The following DPP10 variants were observed in gnomAD, a reference collection of about 807,000 sequenced individuals.
DPP10 encodes inactive dipeptidyl peptidase 10.
In DPP10, 33 loss-of-function variants were observed where a neutral mutation model predicts 120.9. The ratio of observed to expected loss-of-function variants is 0.27; its 90% CI spans 0.21 to 0.37. The LOEUF is 0.37. Among genes scored for constraint, DPP10 ranks in the 10% least tolerant of loss-of-function variants. DPP10 has a pLI of 1.00. For synonymous variants in DPP10, 337 were observed against 326.1 expected (o/e 1.03, Z -0.36); for missense variants, 816 against 942.8 (o/e 0.87, Z 1.76).
At chr2:114,587,315 A>T (rs1471778485) in intron 1 of DPP10, among the ~76,000 whole-genome samples, 1 of 151,700 alleles carries the variant, frequency 6.6e-6, no homozygotes, top group African/African-American at 2.4e-5. Context: ...AAAAAAAAAA[A>T]AAAAAATACA....
At chr2:114,443,622 A>G (rs182942007) in intron 1 of DPP10, among the ~76,000 whole-genome samples, 26 of 151,890 alleles carry the variant, frequency 1.7e-4, no homozygotes, top group Admixed American at 5.3e-4. Flanking sequence ...TTTGCCATTT[A>G]CTTGAATTGT....
At chr2:115,407,726 C>T (rs1425768506) in intron 3 of DPP10, among the ~76,000 whole-genome samples, 3 of 152,120 alleles carry the variant, frequency 2.0e-5, no homozygotes, top group Non-Finnish European at 4.4e-5. Flanking sequence ...TCTGGGTCCC[C>T]TTCCCCTGAG....
chr2:114,697,963 G>A (rs1432839565), intron 1 of DPP10, among the ~76,000 whole-genome samples: 2 of 151,946 alleles, frequency 1.3e-5, no homozygotes, highest in Non-Finnish European at 2.9e-5. Context: ...TTACTTAAAT[G>A]TTTACAATTC....
chr2:114,978,496 G>A (rs1699888480), intron 1 of DPP10, among the ~76,000 whole-genome samples: 1 of 152,028 alleles, frequency 6.6e-6, no homozygotes, highest in Admixed American at 6.6e-5. Flanking sequence ...CAATATACTT[G>A]TCTATAACAA....
chr2:114,840,700 G>C (rs80049641), intron 1 of DPP10, among the ~76,000 whole-genome samples: 12,872 of 152,172 alleles, frequency 0.085, 690 homozygotes, highest in Non-Finnish European at 0.11. Context: ...TCCTCCAACT[G>C]TATTTGATTC....
At chr2:115,281,189 G>C (rs1487046483) in intron 1 of DPP10, among the ~76,000 whole-genome samples, 1 of 152,142 alleles carries the variant, frequency 6.6e-6, no homozygotes, top group Admixed American at 6.6e-5. Flanking sequence ...ATAGAAGCTA[G>C]AAATAGGTAC....
rs183367555 is a variant in DPP10 at position 114,502,448 on chromosome 2, A to G, written c.60+59610A>G. Among the ~76,000 whole-genome samples, 897 of 152,336 alleles carry G rather than the reference A, an allele frequency of 5.9e-3. 6 individuals carry two copies. The highest frequency in any genetic ancestry group is 0.02 in the African/African-American group (852 of 41,574). Reference sequence around the variant, plus strand: ...AATACAGGTACCAGTACGTAGACATATATTTCTTGTATTTAAAATTTAAAA... The same window carrying G: ...AATACAGGTACCAGTACGTAGACATGTATTTCTTGTATTTAAAATTTAAAA... On this transcript the variant is annotated intron_variant, in intron 1 of 25. Coordinates refer to ENST00000410059, the MANE Select transcript of DPP10 (RefSeq NM_020868.6).
chr2:114,654,468 A>T (rs1436189731), intron 1 of DPP10, among the ~76,000 whole-genome samples: 1 of 152,182 alleles, frequency 6.6e-6, no homozygotes, highest in Admixed American at 6.5e-5. Context: ...TTCCTTTGAA[A>T]GCCAGGAGTC....
At chr2:115,233,211 G>A (rs1325430700) in intron 1 of DPP10, among the ~76,000 whole-genome samples, 1 of 69,160 alleles carries the variant, frequency 1.4e-5, no homozygotes, top group African/African-American at 4.8e-5. Flanking sequence ...TAGGTATATT[G>A]AGTGTGTGTG....
intron 5 of DPP10, chr2:115,579,091 A>G (rs755290978): frequency 2.6e-5 from 4 of 151,910 alleles, no homozygotes; most frequent in Non-Finnish European, 5.9e-5. Context: ...CAATTTTTAC[A>G]TTTTTTTTCC....
At chr2:114,692,320 C>T (rs1202904038) in intron 1 of DPP10, among the ~76,000 whole-genome samples, 1 of 151,984 alleles carries the variant, frequency 6.6e-6, no homozygotes, top group Non-Finnish European at 1.5e-5. Flanking sequence ...TTGTTGATGT[C>T]TGCCTAAATT....
chr2:115,444,114 A>T (rs187097799), intron 3 of DPP10, among the ~76,000 whole-genome samples: 2 of 152,296 alleles, frequency 1.3e-5, no homozygotes, highest in Non-Finnish European at 2.9e-5. Flanking sequence ...CTGAAACAGG[A>T]CAAAGGAATT....
intron 1 of DPP10, among the ~76,000 whole-genome samples, chr2:114,858,595 T>C (rs2106517946): frequency 6.6e-6 from 1 of 152,322 alleles, no homozygotes; most frequent in African/African-American, 2.4e-5. Flanking sequence ...TTCTTTATCC[T>C]TTACTTAACA....
intron 1 of DPP10, among the ~76,000 whole-genome samples, chr2:114,497,286 T>TAC (rs1682684764): frequency 7.4e-6 from 1 of 135,372 alleles, no homozygotes. Flanking sequence ...TATACGTGTA[T>TAC]ACATGTACAT....
intron 7 of DPP10, among the ~76,000 whole-genome samples, chr2:115,695,570 A>G (rs1270128580): frequency 6.6e-6 from 1 of 152,146 alleles, no homozygotes; most frequent in Non-Finnish European, 1.5e-5. Context: ...CACTATCATG[A>G]GAACAGCTTG....
chr2:115,127,043 A>G (rs1470920446), intron 1 of DPP10, among the ~76,000 whole-genome samples: 1 of 152,234 alleles, frequency 6.6e-6, no homozygotes, highest in African/African-American at 2.4e-5. Flanking sequence ...GGTCACACCT[A>G]AAGGATGGAA....
chr2:115,547,910 ATCGATTTTGTTT>A (rs1383197495), intron 5 of DPP10, among the ~76,000 whole-genome samples: 3 of 152,150 alleles, frequency 2.0e-5, no homozygotes. Context: ...TTAGATCAAA[ATCGATTTTGTTT>A]GTGTTTAGAT....
intron 1 of DPP10, among the ~76,000 whole-genome samples, chr2:114,663,697 A>AGC (rs9308701): frequency 2.0e-5 from 3 of 146,396 alleles, no homozygotes; most frequent in Non-Finnish European, 4.5e-5. Context: ...AGAGAGAGAG[A>AGC]AACTGACTGA....
intron 1 of DPP10, among the ~76,000 whole-genome samples, chr2:115,113,021 TG>T (rs2049309049): frequency 1.3e-5 from 2 of 152,288 alleles, no homozygotes; most frequent in South Asian, 4.1e-4. Flanking sequence ...ATAAGTTGTT[TG>T]CATAGGTTTA....
Sources: gnomAD v4.1 joint callset for allele counts (sites outside exome capture counted in the v4.1 genomes callset) on GRCh38, gnomAD v4.1.1 for gene constraint, MANE v1.5 for transcripts, NCBI Gene and HGNC (gene_info 2026-07-23, HGNC 2026-07-21) for gene names.